ATG2B: variants seen among roughly 807,000 people sequenced by gnomAD.
ATG2B encodes autophagy-related protein 2 homolog B.
Under a neutral mutation model 241.3 loss-of-function variants are expected in ATG2B, and 121 were observed. The observed-to-expected ratio is 0.50, with a 90% CI of 0.43 to 0.58. The LOEUF is 0.58. Ranked by LOEUF, ATG2B falls within the 20% of genes least tolerant of loss-of-function variation. ATG2B has a pLI of 0.00. For missense variants in ATG2B, 2,306 were observed against 2,491.6 expected (o/e 0.93, Z 1.59); for synonymous variants, 858 against 876.6 (o/e 0.98, Z 0.37).
chr14:96,324,028 T>C, intron 15 of ATG2B, 30 bp from the exon 16 acceptor site: 1 of 1,454,194 alleles, frequency 6.9e-7, no homozygotes, highest in Non-Finnish European at 9.5e-7. Flanking sequence ...TACTGAAATG[T>C]GCTTCTTCTC....
In ATG2B at chr14:96,344,731, A is replaced by T. The variant is rs543156518; in HGVS notation, c.504T>A (p.Phe168Leu). ...ETVLRRVKVT[F>L]IDTVLRIEHV... is the part of the protein sequence containing the mutation. ...GTTCAATTCTCAAAACAGTATCTAT[A>T]AAAGTGACTTTTACTCTTCTTAGTA... Residue 168 changes from phenylalanine (F) to leucine (L), a missense_variant, in exon 4 of 42, where the codon TTT (phenylalanine) becomes TTA (leucine). Physicochemically the swap from Phe to Leu is conservative, Grantham distance 22 (BLOSUM62 0). Around this residue, in one of 2 missense-constraint regions of ATG2B, gnomAD observed 1,927 missense variants for 2,011.2 expected, o/e 0.96. Coordinates refer to ENST00000359933, the MANE Select transcript of ATG2B (RefSeq NM_018036.7). 6.3e-7 allele frequency: 1 copy of T among 1,596,250 alleles called. No individual in the cohort carries two copies. Among genetic ancestry groups the T allele is most frequent in the East Asian group, 2.3e-5 (1 of 44,210 alleles).
Position 96,313,351 on chromosome 14 carries a change from A to G in ATG2B, c.3727T>C (p.Trp1243Arg). 1 of 1,592,542 alleles carries G rather than the reference A, an allele frequency of 6.3e-7. No homozygotes were observed. Among genetic ancestry groups the G allele is most frequent in the Non-Finnish European group, 8.5e-7 (1 of 1,173,378 alleles). The change falls in exon 24 of 42, where the codon TGG becomes CGG. Residue 1243 changes from tryptophan to arginine, a missense_variant. Trp to Arg is a moderately radical substitution (Grantham distance 101, BLOSUM62 -3). Coordinates refer to ENST00000359933, the MANE Select transcript of ATG2B (RefSeq NM_018036.7). ...TACCTATAATCAAGTGCACAGCTCC[A>G]AAGATGAACATGAAAAGTTGTAAAT... ...TSFTTFHVHL[W>R]SCALDYRPLY...
In ATG2B at chr14:96,341,494, TACTACAGAA is replaced by T. The variant is rs1333867581; in HGVS notation, c.924+19_924+27del. The T allele has an allele frequency of 6.5e-7, 1 of 1,527,122 alleles. No homozygotes were observed. 94.6% of individuals were successfully genotyped at this position (1,527,122 alleles called of 1,614,324 possible). On this transcript the variant is annotated intron_variant, in intron 6 of 41. Transcript: ENST00000359933. ...AATACTTGTACTTTTATTTTGGTTT[TACTACAGAA>T]AGTGAAACAAACACTGACCTTAGCT... is the stretch of plus-strand genomic sequence containing the variant.
rs537604526 is a variant in ATG2B at position 96,332,536 on chromosome 14, T to G, written c.1327A>C (p.Asn443His). The change falls in exon 9 of 42, where the codon AAT becomes CAT. Residue 443 changes from asparagine to histidine, a missense_variant. Physicochemically the swap from Asn to His is moderately conservative, Grantham distance 68. Around this residue, in one of 2 missense-constraint regions of ATG2B, gnomAD observed 1,927 missense variants for 2,011.2 expected, o/e 0.96. Coordinates refer to ENST00000359933, the MANE Select transcript of ATG2B (RefSeq NM_018036.7). ...LELSLTSTYT[N>H]TPAGSPLSAT... ...CTTAATGGAGATCCTGCTGGGGTAT[T>G]TGTATATGTACTAGTTAATGATAAC... 7 of 1,610,656 alleles carry G rather than the reference T, an allele frequency of 4.3e-6. No individual in the cohort carries two copies. Among genetic ancestry groups the G allele is most frequent in the Non-Finnish European group, 5.1e-6 (6 of 1,178,806 alleles).
intron 1 of ATG2B, among the ~76,000 whole-genome samples, chr14:96,353,883 T>G (rs1888402073): frequency 6.6e-6 from 1 of 152,074 alleles, no homozygotes; most frequent in Non-Finnish European, 1.5e-5. Flanking sequence ...AAAGACACGA[T>G]GTTAAATTTC....
Position 96,329,564 on chromosome 14 carries a change from C to T in ATG2B, c.1801G>A (p.Asp601Asn). Reference protein sequence around the residue: ...QRSASRYFSTDMSIGQMEFLE... With the variant: ...QRSASRYFSTNMSIGQMEFLE... ...AATTCCATTTGCCCAATGGACATATCAGTACTAAAATATCGGGAAGCTGAT... is the reference window on the plus strand; with the variant it reads ...AATTCCATTTGCCCAATGGACATATTAGTACTAAAATATCGGGAAGCTGAT... The change falls in exon 12 of 42, where the codon GAT becomes AAT. Residue 601 changes from aspartate to asparagine, a missense_variant. Around this residue, in one of 2 missense-constraint regions of ATG2B, gnomAD observed 1,927 missense variants for 2,011.2 expected, o/e 0.96. Transcript: ENST00000359933. The T allele has an allele frequency of 6.2e-7, 1 of 1,611,072 alleles. No individual in the cohort carries two copies. Among genetic ancestry groups the T allele is most frequent in the Non-Finnish European group, 8.5e-7 (1 of 1,177,530 alleles).
intron 2 of ATG2B, 117 bp downstream of exon 2, chr14:96,347,062 T>A (rs1888187634): frequency 2.3e-6 from 2 of 885,946 alleles, no homozygotes; most frequent in Non-Finnish European, 1.6e-6. Flanking sequence ...CGTAATGTAT[T>A]ATCAACTGAA....
intron 17 of ATG2B, 55 bp from the exon 18 acceptor site, chr14:96,322,309 T>C: frequency 6.4e-7 from 1 of 1,550,870 alleles, no homozygotes; most frequent in Non-Finnish European, 8.7e-7. Flanking sequence ...AAAATAGTAG[T>C]AGCATCTTCT....
Position 96,353,587 on chromosome 14 carries a change from C to T in ATG2B, c.163-6246G>A, listed in dbSNP as rs560212420. Among the ~76,000 whole-genome samples, 5 of 152,044 alleles carry T rather than the reference C, an allele frequency of 3.3e-5. No individual in the cohort carries two copies. In the East Asian group the frequency reaches 9.7e-4, roughly 29 times the overall value. On this transcript the variant is annotated intron_variant, in intron 1 of 41. Transcript: ENST00000359933. The stretch of plus-strand genomic sequence containing the variant: ...GTTGCAGAGAGCCGAGATTGTGCCA[C>T]TGCATTCCAGCCAGGGCGAAACAGT...
chr14:96,342,028 A>T (rs1888049381), intron 5 of ATG2B, among the ~76,000 whole-genome samples: 1 of 152,236 alleles, frequency 6.6e-6, no homozygotes, highest in Admixed American at 6.5e-5. Flanking sequence ...AAGGCAAATT[A>T]TACAGTGACT....
chr14:96,285,917 A>T lies in ATG2B; in HGVS notation c.6075T>A (p.Thr2025=), dbSNP rs756924196. The T allele has an allele frequency of 8.1e-6, 13 of 1,613,926 alleles. No individual in the cohort carries two copies. In the Middle Eastern group the frequency reaches 5.0e-4, roughly 62 times the overall value. ...AAREHESRGV[T]GAVGEVLRQI... ...GGCGCAGAACCTCGCCCACGGCACC[A>T]GTCACCCCTCTGCTCTCGTGTTCTC... The change falls in exon 42 of 42, where the codon ACT becomes ACA. Residue 2025 remains threonine, a synonymous_variant. Transcript: ENST00000359933. The surrounding 1 kb of genome is among the most constrained non-coding windows in gnomAD (Gnocchi z 4.2).
At chr14:96,340,090 AT>A in intron 6 of ATG2B, among the ~76,000 whole-genome samples, 1 of 78,662 alleles carries the variant, frequency 1.3e-5, no homozygotes, top group East Asian at 8.5e-4. Context: ...ATATATGAAT[AT>A]ATGCTATATA....
chr14:96,317,021 G>A lies in ATG2B; in HGVS notation c.3210+124C>T, dbSNP rs935780990. On this transcript the variant is annotated intron_variant, in intron 20 of 41. Transcript: ENST00000359933. ...TCATCATGGTTTGCCCCAGGACACT[G>A]GTCTTCATCAGTCCCTGAAACAACT... The A allele has an allele frequency of 3.0e-5, 28 of 943,372 alleles. No individual in the cohort carries two copies. The Admixed American group carries it at 7.1e-4, about 24-fold the overall frequency. 58.4% of individuals were successfully genotyped at this position (943,372 alleles called of 1,614,324 possible).
In ATG2B at chr14:96,354,085, T is replaced by A. The variant is rs117911172; in HGVS notation, c.163-6744A>T. Among the ~76,000 whole-genome samples the A allele has an allele frequency of 4.5e-3, 678 of 152,290 alleles. 26 individuals are homozygous for A. The South Asian group carries it at 0.067, about 15-fold the overall frequency. ...GGAATATGTAGTTTTTTAAAAAAAA[T>A]TTCAGAGATAATTGAGCAAACATGG... On this transcript the variant is annotated intron_variant, in intron 1 of 41. Coordinates refer to ENST00000359933, the MANE Select transcript of ATG2B (RefSeq NM_018036.7).
intron 41 of ATG2B, among the ~76,000 whole-genome samples, chr14:96,288,798 C>A: frequency 7.2e-6 from 1 of 138,298 alleles, no homozygotes. Context: ...ATGACGCTGA[C>A]AACACCCAGA....
Position 96,290,818 on chromosome 14 carries a change from T to C in ATG2B, c.5697A>G (p.Gln1899=), listed in dbSNP as rs767930518. ...GGVGPMHSLV[Q]LVQGLKDLVW... ...TTAAAAAAGAAGAAAACTCACCTAA[T>C]TGTACTAGTGAATGCATAGGTCCAA... Residue 1899 remains glutamine, a synonymous_variant, in exon 39 of 42, where the codon CAA becomes CAG. Coordinates refer to ENST00000359933, the MANE Select transcript of ATG2B (RefSeq NM_018036.7). This position sits in a 1 kb window ranked among gnomAD's most constrained non-coding sequence, Gnocchi z 4.4. 9.4e-6 allele frequency: 15 copies of C among 1,602,740 alleles called. No homozygotes were observed. The highest frequency in any genetic ancestry group is 1.3e-5 in the Non-Finnish European group (15 of 1,177,198).
intron 14 of ATG2B, among the ~76,000 whole-genome samples, chr14:96,327,274 A>G (rs969092598): frequency 1.1e-4 from 16 of 151,944 alleles, no homozygotes; most frequent in Non-Finnish European, 8.8e-5. Flanking sequence ...AAACAATGCT[A>G]ATTTGATGTG....
At chr14:96,326,982 C>G (rs1252277244) in intron 14 of ATG2B, among the ~76,000 whole-genome samples, 1 of 152,154 alleles carries the variant, frequency 6.6e-6, no homozygotes, top group Non-Finnish European at 1.5e-5. Context: ...TATATAGTTA[C>G]AGCTAATATA....
intron 36 of ATG2B, among the ~76,000 whole-genome samples, chr14:96,292,347 G>A (rs937406884): frequency 2.6e-5 from 4 of 151,880 alleles, no homozygotes; most frequent in African/African-American, 7.3e-5. Flanking sequence ...TCTTAGTTAC[G>A]TCTATATAGT....
Sources: allele counts gnomAD v4.1 joint callset (sites outside exome capture counted in the v4.1 genomes callset), GRCh38; gene constraint gnomAD v4.1.1; regional missense constraint gnomAD v4.1.1; non-coding constraint Gnocchi (gnomAD v3.1); transcripts MANE v1.5; gene names NCBI Gene and HGNC (gene_info 2026-07-23, HGNC 2026-07-21).